KTN1: variants seen among roughly 807,000 people sequenced by gnomAD.
The protein encoded by KTN1 is kinectin.
KTN1 carries 130 observed loss-of-function variants against 222.5 expected under a neutral mutation model. The ratio of observed to expected loss-of-function variants is 0.58; its 90% CI spans 0.51 to 0.68. The LOEUF (loss-of-function observed/expected upper bound fraction) is 0.68, where lower values mean the gene tolerates loss of function less well. KTN1 is among the 30% of genes least tolerant of loss of function. The probability of loss-of-function intolerance (pLI) is 0.00; values close to 1 mark genes in which losing one functional copy is unlikely to be tolerated. For synonymous variants in KTN1, 512 were observed against 496.3 expected (o/e 1.03, Z -0.42); for missense variants, 1,508 against 1,500.4 (o/e 1.01, Z -0.08).
At chr14:55,610,664 A>G (rs2037410724) in intron 1 of KTN1, among the ~76,000 whole-genome samples, 1 of 152,218 alleles carries the variant, frequency 6.6e-6, no homozygotes, top group Non-Finnish European at 1.5e-5. Context: ...CTGATGTTTA[A>G]TTATATCTGT....
chr14:55,654,696 A>G (rs1342381265), intron 28 of KTN1, among the ~76,000 whole-genome samples: 1 of 152,202 alleles, frequency 6.6e-6, no homozygotes, highest in African/African-American at 2.4e-5. Flanking sequence ...AGCCAATAGC[A>G]GTACATTGTT....
chr14:55,661,456 G>T, intron 31 of KTN1, 66 bp from the exon 32 acceptor site: 1 of 796,490 alleles, frequency 1.3e-6, no homozygotes, highest in Admixed American at 1.9e-5. Context: ...ATGTTGATAG[G>T]TAGGGATCTA....
In KTN1 at chr14:55,603,103, C is replaced by G. The variant is rs140323191; in HGVS notation, c.-30-8916C>G. Among the ~76,000 whole-genome samples the G allele has an allele frequency of 2.1e-3, 319 of 152,192 alleles. 3 individuals carry two copies. Among genetic ancestry groups the G allele is most frequent in the African/African-American group, 7.2e-3 (299 of 41,546 alleles). On this transcript the variant is annotated intron_variant, in intron 1 of 43. Coordinates refer to ENST00000395314, the MANE Select transcript of KTN1 (RefSeq NM_001079521.2). ...TCTACTTGTCCAAATTCTGTCTTTT[C>G]TTGCTATTTGAAAACATTGCCTCTC...
intron 41 of KTN1, among the ~76,000 whole-genome samples, chr14:55,677,928 C>G (rs1340260581): frequency 6.6e-6 from 1 of 152,196 alleles, no homozygotes; most frequent in Non-Finnish European, 1.5e-5. Context: ...GAACTCCCGA[C>G]CTCAGGTGAT....
chr14:55,651,788 G>C (rs2042951035), intron 24 of KTN1, 102 bp from the exon 25 acceptor site: 6 of 727,736 alleles, frequency 8.2e-6, no homozygotes, highest in Non-Finnish European at 1.4e-5. Flanking sequence ...AATTCAGCTA[G>C]TTTCTTTGTA....
intron 1 of KTN1, among the ~76,000 whole-genome samples, chr14:55,585,398 G>A (rs1006220072): frequency 2.0e-5 from 3 of 151,992 alleles, no homozygotes; most frequent in African/African-American, 7.3e-5. Flanking sequence ...AAATATATGT[G>A]CACCTTAAAT....
chr14:55,639,100 T>C (rs2041474079), intron 12 of KTN1, 85 bp from the exon 13 acceptor site: 4 of 884,298 alleles, frequency 4.5e-6, no homozygotes, highest in Non-Finnish European at 7.4e-6. Context: ...TAACTTCTCT[T>C]AAAATTTAAA....
At chr14:55,648,205 TCTTAAA>T (rs1300388640) in intron 20 of KTN1, 90 bp downstream of exon 20, 3 of 596,418 alleles carry the variant, frequency 5.0e-6, no homozygotes, top group South Asian at 2.1e-5. Context: ...TTCCCATAGA[TCTTAAA>T]CTTAATAGTA....
Position 55,633,325 on chromosome 14 carries a change from A to G in KTN1, c.1312A>G (p.Asn438Asp), listed in dbSNP as rs768592761. ...ILRDAVSNTT[N>D]QLESKQSAEL... The stretch of plus-strand genomic sequence containing the variant: ...GAGAGATGCAGTCAGCAACACTACA[A>G]ATCAACTGGAAAGCAAGTATGTTTC... The change falls in exon 8 of 44, where the codon AAT becomes GAT. Residue 438 changes from asparagine (N) to aspartate (D), a missense_variant. By Grantham distance (23) the Asn-to-Asp change is conservative. Transcript: ENST00000395314. 3.2e-6 allele frequency: 5 copies of G among 1,561,338 alleles called. No homozygotes were observed. Among genetic ancestry groups the G allele is most frequent in the South Asian group, 1.2e-5 (1 of 82,418 alleles).
At chr14:55,636,400 A>G in intron 9 of KTN1, 49 bp from the exon 10 acceptor site, 1 of 1,411,660 alleles carries the variant, frequency 7.1e-7, no homozygotes. Flanking sequence ...TCAAAGTAGA[A>G]ATTCTGTGTT....
chr14:55,631,511 A>G (rs1045389219), intron 7 of KTN1, among the ~76,000 whole-genome samples: 3 of 151,938 alleles, frequency 2.0e-5, no homozygotes, highest in South Asian at 2.1e-4. Flanking sequence ...CTTTATTTCT[A>G]TGGCTAGGTG....
intron 33 of KTN1, among the ~76,000 whole-genome samples, chr14:55,665,262 T>G (rs894254782): frequency 4.6e-5 from 7 of 152,060 alleles, no homozygotes; most frequent in African/African-American, 1.7e-4. Flanking sequence ...TATATTACTT[T>G]GTTTTTGATG....
Position 55,616,583 on chromosome 14 carries a change from A to C in KTN1, c.590A>C (p.His197Pro), listed in dbSNP as rs770940202. Reference sequence around the variant, plus strand: ...AAAAGGCAAGAAGCATTGCCCCTCCACCAAGAGACTAAACAAGAAAGTGGA... The same window carrying C: ...AAAAGGCAAGAAGCATTGCCCCTCCCCCAAGAGACTAAACAAGAAAGTGGA... The part of the protein sequence containing the change: ...PSKRQEALPL[H>P]QETKQESGSG... The change falls in exon 3 of 44, where the codon CAC becomes CCC. Residue 197 changes from histidine (H) to proline (P), a missense_variant. Physicochemically the swap from His to Pro is moderately conservative, Grantham distance 77 (BLOSUM62 -2). Coordinates refer to ENST00000395314, the MANE Select transcript of KTN1 (RefSeq NM_001079521.2). 8.7e-6 allele frequency: 14 copies of C among 1,608,874 alleles called. 1 individual carries two copies. In the South Asian group the frequency reaches 1.5e-4, roughly 18 times the overall value.
At chr14:55,679,966 T>G in intron 43 of KTN1, 1 of 366,800 alleles carries the variant, frequency 2.7e-6, no homozygotes, top group Non-Finnish European at 4.9e-6. Context: ...GTTGCCTTAA[T>G]ACCTGCAACG....
chr14:55,636,273 T>C (rs1343562588), intron 9 of KTN1, among the ~76,000 whole-genome samples, 176 bp from the exon 10 acceptor site: 1 of 152,186 alleles, frequency 6.6e-6, no homozygotes, highest in Non-Finnish European at 1.5e-5. Flanking sequence ...GGCTGATAAA[T>C]AAATGGCTTT....
chr14:55,613,702 C>G (rs2037939094), intron 2 of KTN1, among the ~76,000 whole-genome samples: 1 of 152,060 alleles, frequency 6.6e-6, no homozygotes, highest in Non-Finnish European at 1.5e-5. Flanking sequence ...CTCCTGACCT[C>G]AAATGATCCG....
intron 1 of KTN1, among the ~76,000 whole-genome samples, chr14:55,603,207 C>T (rs1057065372): frequency 1.3e-5 from 2 of 152,006 alleles, no homozygotes; most frequent in African/African-American, 2.4e-5. Flanking sequence ...GTAATTTCTC[C>T]CATCTTTAAA....
At chr14:55,583,956 C>A (rs2032347383) in intron 1 of KTN1, among the ~76,000 whole-genome samples, 2 of 152,172 alleles carry the variant, frequency 1.3e-5, no homozygotes, top group African/African-American at 4.8e-5. Context: ...AGAATCCAAT[C>A]AGTACTTACT....
chr14:55,599,489 G>A (rs1008185252), intron 1 of KTN1, among the ~76,000 whole-genome samples: 1 of 151,562 alleles, frequency 6.6e-6, no homozygotes, highest in Non-Finnish European at 1.5e-5. Flanking sequence ...TTTTGAGACA[G>A]AGTCTCGTTC....
Sources: allele counts gnomAD v4.1 joint callset (sites outside exome capture counted in the v4.1 genomes callset), GRCh38; gene constraint gnomAD v4.1.1; transcripts MANE v1.5; gene names NCBI Gene and HGNC (gene_info 2026-07-23, HGNC 2026-07-21).